EYA1: variants seen among roughly 807,000 people sequenced by gnomAD.
EYA1 encodes the protein protein phosphatase EYA1.
EYA1 carries 16 observed loss-of-function variants against 82.0 expected under a neutral mutation model. The ratio of observed to expected loss-of-function variants is 0.20; its 90% CI spans 0.13 to 0.30. The LOEUF (loss-of-function observed/expected upper bound fraction) is 0.30. EYA1 is among the 10% of genes least tolerant of loss of function. The pLI is 1.00. For missense variants in EYA1, 633 were observed against 730.7 expected, an observed-to-expected ratio of 0.87 and a Z score of 1.54; for synonymous variants, 261 against 264.4, an observed-to-expected ratio of 0.99 and a Z score of 0.12.
intron 2 of EYA1, among the ~76,000 whole-genome samples, chr8:71,374,703 T>TCCCA (rs1828268116): frequency 6.6e-6 from 1 of 152,170 alleles, no homozygotes. Context: ...ATATCTGCAC[T>TCCCA]CCCATGTTCA....
intron 2 of EYA1, among the ~76,000 whole-genome samples, chr8:71,483,568 A>AC: frequency 6.6e-6 from 1 of 151,862 alleles, no homozygotes; most frequent in East Asian, 1.9e-4. Flanking sequence ...ACAAAAAAAA[A>AC]ACACCACATT....
chr8:71,410,999 C>T (rs1315528618), intron 2 of EYA1, among the ~76,000 whole-genome samples: 35 of 16,454 alleles, frequency 2.1e-3, no homozygotes, highest in African/African-American at 8.7e-3. Context: ...GCTACAGTAA[C>T]CAAAACAGCA....
chr8:71,367,031 A>G (rs1827798089), upstream of EYA1, among the ~76,000 whole-genome samples: 1 of 152,244 alleles, frequency 6.6e-6, no homozygotes, highest in Non-Finnish European at 1.5e-5. Context: ...GGATGCAAAA[A>G]TAAAAGTACA....
At position 71,408,290 on chromosome 8, in the gene EYA1, G is replaced by A. The variant is rs1030486054; in HGVS notation, c.34-51779C>T. The stretch of plus-strand genomic sequence containing the variant: ...ATCATGCCAAAATGTAAAGGCCATC[G>A]AGACTAGGAAGAAACTGCATCAACT... On this transcript the variant is annotated intron_variant, in intron 2 of 18. Transcript: ENST00000643681. Among the ~76,000 whole-genome samples the A allele has an allele frequency of 3.9e-5, 6 of 152,104 alleles. No homozygotes were observed. The East Asian group carries it at 5.8e-4, about 15-fold the overall frequency.
Position 71,391,483 on chromosome 8 carries a change from C to CT in EYA1, c.34-34973dup, listed in dbSNP as rs968156464. Reference sequence around the variant, plus strand: ...GTCTTTTCACTTAAGAATTTGTCACCTTTTTTTATTCTTTGTATGGTGAGT... The same window carrying CT: ...GTCTTTTCACTTAAGAATTTGTCACCTTTTTTTTATTCTTTGTATGGTGAGT... On this transcript the variant is annotated intron_variant, in intron 2 of 18. Transcript: ENST00000643681. Among the ~76,000 whole-genome samples, 18 of 152,110 alleles carry CT rather than the reference C, an allele frequency of 1.2e-4. 1 individual carries two copies. Among genetic ancestry groups the CT allele is most frequent in the Non-Finnish European group, 2.4e-4 (16 of 67,998 alleles).
intron 17 of EYA1, among the ~76,000 whole-genome samples, chr8:71,207,350 ATTCTCC>A (rs1198475469): frequency 1.3e-5 from 2 of 152,210 alleles, no homozygotes; most frequent in Admixed American, 6.5e-5. Context: ...CTAGACAAAA[ATTCTCC>A]TTCAATAAAG....
chr8:71,372,938 A>C (rs1179822814), intron 2 of EYA1, among the ~76,000 whole-genome samples: 1 of 152,118 alleles, frequency 6.6e-6, no homozygotes, highest in South Asian at 2.1e-4. Flanking sequence ...ACATTCTTTC[A>C]TGGTAAAAAC....
At chr8:71,298,031 A>G (rs1467600648) in intron 9 of EYA1, among the ~76,000 whole-genome samples, 1 of 152,232 alleles carries the variant, frequency 6.6e-6, no homozygotes, top group Admixed American at 6.5e-5. Context: ...AACGTGGAAC[A>G]TGAAAAATTT....
chr8:71,271,175 T>C (rs925764207), intron 10 of EYA1, among the ~76,000 whole-genome samples: 1 of 152,214 alleles, frequency 6.6e-6, no homozygotes, highest in African/African-American at 2.4e-5. Flanking sequence ...ACTAGGTGTA[T>C]ATAATTATGG....
intron 2 of EYA1, among the ~76,000 whole-genome samples, chr8:71,521,084 TA>T (rs917011764): frequency 6.6e-6 from 1 of 152,090 alleles, no homozygotes; most frequent in African/African-American, 2.4e-5. Context: ...AAAAAATCTT[TA>T]TTTTTTTCTA....
At chr8:71,202,916 A>C (rs960160989) in intron 17 of EYA1, among the ~76,000 whole-genome samples, 2 of 152,216 alleles carry the variant, frequency 1.3e-5, no homozygotes, top group Admixed American at 6.5e-5. Context: ...AATATTGCAC[A>C]ATGATAATAT....
intron 11 of EYA1, among the ~76,000 whole-genome samples, chr8:71,256,279 A>G (rs1289978775): frequency 6.6e-6 from 1 of 152,228 alleles, no homozygotes; most frequent in Non-Finnish European, 1.5e-5. Context: ...CATTATTTAA[A>G]ACAGTCATAG....
At chr8:71,274,944 G>A (rs1816978772) in intron 9 of EYA1, among the ~76,000 whole-genome samples, 1 of 152,194 alleles carries the variant, frequency 6.6e-6, no homozygotes, top group South Asian at 2.1e-4. Context: ...GTGAACGAGA[G>A]CAAGCGAGTG....
chr8:71,518,933 CT>C (rs1171132844), intron 2 of EYA1, among the ~76,000 whole-genome samples: 1 of 152,028 alleles, frequency 6.6e-6, no homozygotes, highest in Non-Finnish European at 1.5e-5. Context: ...TTATTGAACC[CT>C]TTTTTCCTAA....
At chr8:71,254,243 C>CAAAAAAAAA (rs56047377) in intron 11 of EYA1, among the ~76,000 whole-genome samples, 5 of 51,460 alleles carry the variant, frequency 9.7e-5, no homozygotes, top group Admixed American at 3.2e-4. Flanking sequence ...AAGTCTTGGC[C>CAAAAAAAAA]AAAAAAAAAA....
At chr8:71,435,489 G>A (rs1563611663) in intron 2 of EYA1, among the ~76,000 whole-genome samples, 1 of 151,940 alleles carries the variant, frequency 6.6e-6, no homozygotes, top group Non-Finnish European at 1.5e-5. Context: ...ATAAAGGTTT[G>A]TCTTCGGGAT....
chr8:71,516,508 T>A (rs2129262903), intron 2 of EYA1, among the ~76,000 whole-genome samples: 1 of 152,220 alleles, frequency 6.6e-6, no homozygotes, highest in East Asian at 1.9e-4. Context: ...AAGAGGAAAA[T>A]ATGGCTTTTG....
At chr8:71,232,058 TG>T (rs1811261098) in intron 12 of EYA1, among the ~76,000 whole-genome samples, 3 of 152,230 alleles carry the variant, frequency 2.0e-5, no homozygotes, top group Admixed American at 6.5e-5. Flanking sequence ...TTTTGTGCAA[TG>T]ATGTTTGCAA....
chr8:71,329,842 C>T (rs1008796027), intron 4 of EYA1, among the ~76,000 whole-genome samples: 1 of 152,122 alleles, frequency 6.6e-6, no homozygotes, highest in African/African-American at 2.4e-5. Context: ...AAAATGACAG[C>T]ATTTGCAAAA....
Sources: gnomAD v4.1 joint callset for allele counts (sites outside exome capture counted in the v4.1 genomes callset) on GRCh38, gnomAD v4.1.1 for gene constraint, MANE v1.5 for transcripts, NCBI Gene and HGNC (gene_info 2026-07-23, HGNC 2026-07-21) for gene names.